Variants in NEGR1 observed in about 807,000 individuals in gnomAD.
NEGR1 encodes the protein IgLON family member 4.
Under a neutral mutation model 40.9 loss-of-function variants are expected in NEGR1, and 10 were observed. That is an observed-to-expected ratio of 0.24 (90% CI 0.15 to 0.42). The LOEUF is 0.42. Among genes scored for constraint, NEGR1 ranks in the 10% least tolerant of loss-of-function variants. The pLI is 1.00. For missense variants in NEGR1, 352 were observed against 438.9 expected, an observed-to-expected ratio of 0.80 and a Z score of 1.77; for synonymous variants, 185 against 166.8, an observed-to-expected ratio of 1.11 and a Z score of -0.84.
intron 4 of NEGR1, among the ~76,000 whole-genome samples, chr1:71,661,565 A>T (rs1652055795): frequency 6.6e-6 from 1 of 152,194 alleles, no homozygotes; most frequent in African/African-American, 2.4e-5. Flanking sequence ...TGACACAAAT[A>T]TTATGTATAT....
intron 6 of NEGR1, among the ~76,000 whole-genome samples, chr1:71,503,032 G>C (rs1647009376): frequency 6.6e-6 from 1 of 152,134 alleles, no homozygotes; most frequent in Non-Finnish European, 1.5e-5. Flanking sequence ...AATAGAAAGA[G>C]GGAGTCAAAG....
intron 1 of NEGR1, among the ~76,000 whole-genome samples, chr1:72,037,916 C>A (rs1383885486): frequency 6.6e-6 from 1 of 151,994 alleles, no homozygotes; most frequent in African/African-American, 2.4e-5. Flanking sequence ...TGTTTATGAC[C>A]ATCACTCAAA....
intron 2 of NEGR1, among the ~76,000 whole-genome samples, chr1:71,810,765 C>G (rs1033656514): frequency 5.9e-5 from 9 of 152,044 alleles, no homozygotes; most frequent in Admixed American, 4.6e-4. Flanking sequence ...TCCTCCTGCT[C>G]CAGCCATGGA....
At chr1:72,074,768 T>C (rs546957446) in intron 1 of NEGR1, among the ~76,000 whole-genome samples, 1 of 152,218 alleles carries the variant, frequency 6.6e-6, no homozygotes, top group Admixed American at 6.6e-5. Flanking sequence ...CTATACAGTA[T>C]TGAATTTGCA....
rs528113806 is a variant in NEGR1 at position 72,266,270 on chromosome 1, T to C, written c.176+16049A>G. 3.3e-5 allele frequency among the ~76,000 whole-genome samples: 5 copies of C among 151,080 alleles called. No individual in the cohort carries two copies. In the South Asian group the frequency reaches 1.0e-3, roughly 31 times the overall value. On this transcript the variant is annotated intron_variant, in intron 1 of 6. Transcript: ENST00000357731. ...ATGGATCTATGTAAACTATGTTAAC[T>C]AATAACAAATTTTAATAACTTAATA...
intron 2 of NEGR1, among the ~76,000 whole-genome samples, chr1:71,883,273 CAAT>C (rs145999855): frequency 0.012 from 1,820 of 152,070 alleles, 15 homozygotes; most frequent in Non-Finnish European, 0.016. Context: ...ACATTATATA[CAAT>C]AATAAAATGA....
At position 72,275,936 on chromosome 1, in the gene NEGR1, A is replaced by T; in HGVS notation, c.176+6383T>A. Among the ~76,000 whole-genome samples, 2 of 152,056 alleles carry T rather than the reference A, an allele frequency of 1.3e-5. 1 individual carries two copies. The highest frequency in any genetic ancestry group is 3.9e-4 in the East Asian group (2 of 5,166). ...ACACAGTAAGACACCATCTCTAAAAATAAAAATAAATTAGCCAGGTATGTT... is the reference window on the plus strand; with the variant it reads ...ACACAGTAAGACACCATCTCTAAAATTAAAAATAAATTAGCCAGGTATGTT... On this transcript the variant is annotated intron_variant, in intron 1 of 6. Transcript: ENST00000357731.
At chr1:72,130,537 T>C (rs1345501909) in intron 1 of NEGR1, among the ~76,000 whole-genome samples, 1 of 152,144 alleles carries the variant, frequency 6.6e-6, no homozygotes, top group African/African-American at 2.4e-5. Flanking sequence ...CGTTTAGTGC[T>C]TTTTTGGAAT....
At chr1:71,814,840 A>T (rs946878389) in intron 2 of NEGR1, among the ~76,000 whole-genome samples, 9 of 151,368 alleles carry the variant, frequency 5.9e-5, no homozygotes, top group African/African-American at 1.9e-4. Context: ...CTATTTTATT[A>T]ATTTTTTCAA....
rs1428476178 is a variant in NEGR1 at position 71,397,463 on chromosome 1, A to G, written c.*9983T>C. The G allele has an allele frequency of 6.6e-6, 1 of 152,342 alleles. No individual in the cohort carries two copies. The highest frequency in any genetic ancestry group is 1.5e-5 in the Non-Finnish European group (1 of 68,240). The allele number at this position is 152,342 out of a possible 1,614,324, so 9.4% of individuals were successfully genotyped here. On this transcript the variant is annotated 3_prime_UTR_variant, in exon 7 of 7. Transcript: ENST00000357731. ...TGCTTCAGCCTCCCAAGCAGTTGAG[A>G]TTACAGGCATGTGCCACCATGCCTC...
At chr1:71,524,315 AGTGTGTGTGTGTGTGTGT>A (rs60790381) in intron 6 of NEGR1, among the ~76,000 whole-genome samples, 2 of 140,670 alleles carry the variant, frequency 1.4e-5, no homozygotes, top group African/African-American at 2.6e-5. Flanking sequence ...TTTAAATAGG[AGTGTGTGTGTGTGTGTGT>A]GTGTGTGTGT....
chr1:72,026,927 G>GT (rs1646815639), intron 1 of NEGR1, among the ~76,000 whole-genome samples: 1 of 151,568 alleles, frequency 6.6e-6, no homozygotes, highest in Non-Finnish European at 1.5e-5. Context: ...GTTTTGTTTT[G>GT]TTTTTTGGTT....
At chr1:71,721,542 A>G (rs1379306140) in intron 3 of NEGR1, among the ~76,000 whole-genome samples, 1 of 152,160 alleles carries the variant, frequency 6.6e-6, no homozygotes, top group Non-Finnish European at 1.5e-5. Flanking sequence ...TGCAGGGGGA[A>G]GTAAAATAGA....
intron 6 of NEGR1, among the ~76,000 whole-genome samples, chr1:71,443,703 A>G (rs1646563002): frequency 6.6e-6 from 1 of 152,212 alleles, no homozygotes; most frequent in South Asian, 2.1e-4. Context: ...CTTGTATTTT[A>G]ATCAGTTGAA....
At chr1:71,462,349 A>G (rs1258532399) in intron 6 of NEGR1, among the ~76,000 whole-genome samples, 3 of 152,128 alleles carry the variant, frequency 2.0e-5, no homozygotes, top group Admixed American at 6.6e-5. Context: ...CTTTTAGAAG[A>G]AGAGCCCTTT....
chr1:71,714,681 G>T (rs549986789), intron 3 of NEGR1, among the ~76,000 whole-genome samples: 7 of 152,182 alleles, frequency 4.6e-5, no homozygotes, highest in African/African-American at 1.4e-4. Flanking sequence ...GTTCCAAAAT[G>T]ATCTCCTTTG....
intron 1 of NEGR1, among the ~76,000 whole-genome samples, chr1:72,062,217 C>T (rs779045160): frequency 6.6e-6 from 1 of 151,778 alleles, no homozygotes; most frequent in African/African-American, 2.4e-5. Flanking sequence ...TTGTCTCCTC[C>T]CCTTTGGAAG....
intron 1 of NEGR1, among the ~76,000 whole-genome samples, chr1:71,990,849 T>C (rs2100357662): frequency 6.6e-6 from 1 of 151,914 alleles, no homozygotes; most frequent in South Asian, 2.1e-4. Flanking sequence ...GTAAACACAT[T>C]AATAAAATGA....
chr1:71,999,740 A>G (rs2100378775), intron 1 of NEGR1, among the ~76,000 whole-genome samples: 1 of 142,844 alleles, frequency 7.0e-6, no homozygotes, highest in South Asian at 2.2e-4. Context: ...TGTAGTCACT[A>G]AACATACATA....
Sources: gnomAD v4.1 joint callset for allele counts (sites outside exome capture counted in the v4.1 genomes callset) on GRCh38, gnomAD v4.1.1 for gene constraint, MANE v1.5 for transcripts, NCBI Gene and HGNC (gene_info 2026-07-23, HGNC 2026-07-21) for gene names.